HFM1: variants seen among roughly 807,000 people sequenced by gnomAD.
HFM1 encodes helicase for meiosis 1, also known as probable ATP-dependent DNA helicase HFM1.
HFM1 carries 169 observed loss-of-function variants against 192.1 expected under a neutral mutation model. That is an observed-to-expected ratio of 0.88 (90% CI 0.78 to 1.00). The LOEUF (loss-of-function observed/expected upper bound fraction) is 1.00. Ranked by LOEUF, HFM1 falls within the 50% of genes least tolerant of loss-of-function variation. HFM1 has a pLI of 0.00. For missense variants in HFM1, 1,661 were observed against 1,668.0 expected (o/e 1.00, Z 0.07); for synonymous variants, 525 against 537.8 (o/e 0.98, Z 0.33).
intron 30 of HFM1, among the ~76,000 whole-genome samples, chr1:91,298,132 C>G (rs1407639418): frequency 1.3e-5 from 2 of 152,122 alleles, no homozygotes; most frequent in Admixed American, 6.6e-5. Context: ...CAAGAAGTAC[C>G]TGACGAATGC....
chr1:91,407,530 CATA>C (rs1334997742), upstream of HFM1, among the ~76,000 whole-genome samples: 1 of 152,116 alleles, frequency 6.6e-6, no homozygotes, highest in East Asian at 1.9e-4. Context: ...ATTCACTTAG[CATA>C]ATGTTTTCAA....
At chr1:91,395,206 A>T (rs282008) in intron 3 of HFM1, among the ~76,000 whole-genome samples, 12 of 152,048 alleles carry the variant, frequency 7.9e-5, no homozygotes, top group Non-Finnish European at 1.5e-4. Flanking sequence ...TTCTGCATCT[A>T]GCTTTTTTCA....
At chr1:91,342,850 T>C (rs1655551451) in intron 20 of HFM1, among the ~76,000 whole-genome samples, 1 of 152,140 alleles carries the variant, frequency 6.6e-6, no homozygotes, top group Non-Finnish European at 1.5e-5. Flanking sequence ...ATATCTATAA[T>C]AGTTATAACA....
intron 1 of HFM1, among the ~76,000 whole-genome samples, chr1:91,403,137 T>C (rs1038501696): frequency 2.6e-5 from 4 of 152,128 alleles, no homozygotes; most frequent in African/African-American, 9.7e-5. Context: ...ACTAACATTA[T>C]AGTATATGCT....
At chr1:91,351,685 T>C in intron 16 of HFM1, 42 bp from the exon 17 acceptor site, 1 of 1,051,092 alleles carries the variant, frequency 9.5e-7, no homozygotes, top group African/African-American at 1.6e-5. Flanking sequence ...GAAGAGCACA[T>C]CTTGGTAGCA....
chr1:91,264,212 T>G (rs1665449600), intron 36 of HFM1, among the ~76,000 whole-genome samples: 1 of 152,036 alleles, frequency 6.6e-6, no homozygotes, highest in South Asian at 2.1e-4. Context: ...GAATGATGAT[T>G]CAAAGATCCA....
chr1:91,310,525 G>A (rs1364803068), intron 30 of HFM1, among the ~76,000 whole-genome samples: 4 of 152,154 alleles, frequency 2.6e-5, no homozygotes, highest in African/African-American at 7.2e-5. Context: ...AATGGCATAA[G>A]TATGGAAAAG....
At chr1:91,350,683 T>C (rs964946307) in intron 18 of HFM1, 55 bp downstream of exon 18, 2 of 1,551,920 alleles carry the variant, frequency 1.3e-6, no homozygotes, top group African/African-American at 2.7e-5. Flanking sequence ...TTAGTATAAA[T>C]ACAGGCCTAG....
chr1:91,356,834 C>A (rs1251887333), intron 13 of HFM1, among the ~76,000 whole-genome samples: 2 of 151,916 alleles, frequency 1.3e-5, no homozygotes, highest in Admixed American at 1.3e-4. Flanking sequence ...TATATTAATA[C>A]TAACAAATTG....
At chr1:91,311,307 A>ATATGGTAC (rs1650407838) in intron 30 of HFM1, among the ~76,000 whole-genome samples, 1 of 152,178 alleles carries the variant, frequency 6.6e-6, no homozygotes, top group Non-Finnish European at 1.5e-5. Flanking sequence ...TCAAGAGGTG[A>ATATGGTAC]TATGGTACTC....
At chr1:91,311,172 T>C (rs1210014173) in intron 30 of HFM1, among the ~76,000 whole-genome samples, 1 of 152,192 alleles carries the variant, frequency 6.6e-6, no homozygotes, top group Non-Finnish European at 1.5e-5. Context: ...CAAAGGTGAC[T>C]CTTGTTACGT....
At chr1:91,374,659 T>C (rs1660687612) in intron 13 of HFM1, among the ~76,000 whole-genome samples, 1 of 152,112 alleles carries the variant, frequency 6.6e-6, no homozygotes, top group African/African-American at 2.4e-5. Context: ...GAGAAGGAGC[T>C]GGTCTGAGAG....
At chr1:91,379,424 G>A (rs1326182346) in intron 8 of HFM1, among the ~76,000 whole-genome samples, 1 of 152,028 alleles carries the variant, frequency 6.6e-6, no homozygotes, top group Admixed American at 6.6e-5. Context: ...GAACTGTATT[G>A]AGCCACACAT....
intron 30 of HFM1, among the ~76,000 whole-genome samples, chr1:91,288,432 G>T (rs1229535329): frequency 2.0e-5 from 3 of 148,376 alleles, no homozygotes; most frequent in Non-Finnish European, 4.5e-5. Flanking sequence ...CGGGGAGGGG[G>T]ATTTGGCAGG....
chr1:91,347,990 T>C (rs986886943), intron 18 of HFM1, among the ~76,000 whole-genome samples: 2 of 152,164 alleles, frequency 1.3e-5, no homozygotes, highest in Non-Finnish European at 2.9e-5. Context: ...TTTTCAAGAA[T>C]AGATAAAGCT....
intron 13 of HFM1, among the ~76,000 whole-genome samples, chr1:91,364,630 A>ATTT (rs369717640): frequency 0.016 from 1,182 of 74,056 alleles, 26 homozygotes; most frequent in Non-Finnish European, 0.019. Flanking sequence ...ATATATATAT[A>ATTT]TATTTTTTTT....
intron 30 of HFM1, among the ~76,000 whole-genome samples, chr1:91,291,330 G>C (rs957261556): frequency 6.6e-6 from 1 of 152,050 alleles, no homozygotes; most frequent in African/African-American, 2.4e-5. Flanking sequence ...AGAAAAGAGA[G>C]AAGAATCAAA....
intron 34 of HFM1, among the ~76,000 whole-genome samples, chr1:91,268,168 T>C (rs1021646664): frequency 6.6e-6 from 1 of 152,048 alleles, no homozygotes; most frequent in Non-Finnish European, 1.5e-5. Context: ...TGTATAAAGT[T>C]GCACTAAATT....
intron 30 of HFM1, among the ~76,000 whole-genome samples, chr1:91,281,922 T>C (rs1390860188): frequency 6.6e-6 from 1 of 152,190 alleles, no homozygotes; most frequent in Non-Finnish European, 1.5e-5. Context: ...AATTGACTTT[T>C]AGCATCCAAC....
Sources: gnomAD v4.1 joint callset for allele counts (sites outside exome capture counted in the v4.1 genomes callset) on GRCh38, gnomAD v4.1.1 for gene constraint, MANE v1.5 for transcripts, NCBI Gene and HGNC (gene_info 2026-07-23, HGNC 2026-07-21) for gene names.